Variants in CNTNAP5 observed in about 807,000 individuals in gnomAD.
CNTNAP5 encodes contactin associated protein family member 5.
Under a neutral mutation model 150.2 loss-of-function variants are expected in CNTNAP5, and 72 were observed. The observed-to-expected ratio is 0.48, with a 90% CI of 0.40 to 0.58. The LOEUF is 0.58. CNTNAP5 is among the 20% of genes least tolerant of loss of function. The pLI is 0.00. For missense variants in CNTNAP5, 1,636 were observed against 1,626.2 expected (o/e 1.01, Z -0.10); for synonymous variants, 672 against 619.8 (o/e 1.08, Z -1.25).
chr2:124,076,950 A>G (rs1682451700), intron 1 of CNTNAP5, among the ~76,000 whole-genome samples: 2 of 152,160 alleles, frequency 1.3e-5, no homozygotes, highest in East Asian at 3.9e-4. Context: ...TAGGGCAAGG[A>G]GCATTTCAGA....
rs973798039 is a variant in CNTNAP5, at chr2:124,903,995, A to G, written c.3655+895A>G. On this transcript the variant is annotated intron_variant, in intron 22 of 23. Coordinates refer to ENST00000682447, the MANE Select transcript of CNTNAP5 (RefSeq NM_001367498.1). ...CTTGAACCTGGAAGGCAGAGGTTGC[A>G]GTGAGCCAAGATCATGCAACTGCAC... Among the ~76,000 whole-genome samples, 4 of 141,318 alleles carry G rather than the reference A, an allele frequency of 2.8e-5. No individual in the cohort carries two copies. In the Admixed American group the frequency reaches 3.0e-4, roughly 10 times the overall value. The allele number at this position is 141,318 out of a possible 152,430, so 92.7% of individuals were successfully genotyped here. A position where few individuals can be genotyped will look rare whatever the true frequency, so the allele number is the denominator to read the frequency against.
At chr2:124,191,582 T>A (rs1685458305) in intron 1 of CNTNAP5, among the ~76,000 whole-genome samples, 1 of 152,114 alleles carries the variant, frequency 6.6e-6, no homozygotes, top group African/African-American at 2.4e-5. Context: ...ACAGAGGCAA[T>A]CATTCGATAT....
At chr2:124,843,599 C>T (rs532920818) in intron 19 of CNTNAP5, among the ~76,000 whole-genome samples, 1 of 152,040 alleles carries the variant, frequency 6.6e-6, no homozygotes, top group African/African-American at 2.4e-5. Flanking sequence ...TTTTTCATAG[C>T]GGTTGCACTG....
At chr2:124,751,028 G>A (rs985855327) in intron 14 of CNTNAP5, among the ~76,000 whole-genome samples, 1 of 149,468 alleles carries the variant, frequency 6.7e-6, no homozygotes, top group Non-Finnish European at 1.5e-5. Flanking sequence ...ACTGCCATGA[G>A]TTTTGCACCA....
chr2:124,062,759 C>A (rs924598100), intron 1 of CNTNAP5, among the ~76,000 whole-genome samples: 1 of 152,006 alleles, frequency 6.6e-6, no homozygotes, highest in Non-Finnish European at 1.5e-5. Flanking sequence ...CAGTCGAGGC[C>A]GTGAAGCAGG....
chr2:124,658,168 G>A (rs143099545), intron 13 of CNTNAP5, among the ~76,000 whole-genome samples: 3 of 152,270 alleles, frequency 2.0e-5, no homozygotes, highest in East Asian at 1.9e-4. Flanking sequence ...GACAACACAC[G>A]TGCACTTGGC....
intron 1 of CNTNAP5, among the ~76,000 whole-genome samples, chr2:124,179,334 A>T (rs1232372378): frequency 1.3e-5 from 2 of 151,652 alleles, no homozygotes; most frequent in African/African-American, 4.8e-5. Flanking sequence ...TAATTTTTGT[A>T]TTTTTTGTAG....
At chr2:124,875,212 T>G (rs1677829233) in intron 21 of CNTNAP5, among the ~76,000 whole-genome samples, 1 of 152,166 alleles carries the variant, frequency 6.6e-6, no homozygotes, top group African/African-American at 2.4e-5. Context: ...ATAAAATCAC[T>G]TTACAAGCAT....
intron 13 of CNTNAP5, among the ~76,000 whole-genome samples, chr2:124,693,067 G>A (rs1679331792): frequency 1.3e-5 from 2 of 152,048 alleles, no homozygotes; most frequent in South Asian, 4.1e-4. Context: ...TAGAAAGGTG[G>A]CAGCATGGCT....
At chr2:124,589,238 T>C (rs1485592467) in intron 11 of CNTNAP5, among the ~76,000 whole-genome samples, 1 of 152,078 alleles carries the variant, frequency 6.6e-6, no homozygotes, top group Non-Finnish European at 1.5e-5. Context: ...GTACTTTCTG[T>C]CTCTATAGGC....
chr2:124,134,554 C>T (rs1683931522), intron 1 of CNTNAP5, among the ~76,000 whole-genome samples: 1 of 152,180 alleles, frequency 6.6e-6, no homozygotes, highest in African/African-American at 2.4e-5. Context: ...TGCTCTATCT[C>T]ATAAAATCCA....
intron 11 of CNTNAP5, among the ~76,000 whole-genome samples, chr2:124,568,982 A>G (rs1034657471): frequency 6.6e-6 from 1 of 152,202 alleles, no homozygotes; most frequent in African/African-American, 2.4e-5. Context: ...TGGGAGGCGG[A>G]GCTTGCAGTG....
intron 21 of CNTNAP5, among the ~76,000 whole-genome samples, chr2:124,901,364 G>A (rs369942188): frequency 2.0e-5 from 3 of 148,236 alleles, no homozygotes; most frequent in African/African-American, 7.9e-5. Context: ...GTATTATCAG[G>A]ATGAATTCAG....
chr2:124,057,282 ATTTTT>A (rs560714964), intron 1 of CNTNAP5, among the ~76,000 whole-genome samples: 2 of 125,724 alleles, frequency 1.6e-5, no homozygotes, highest in Admixed American at 8.2e-5. Flanking sequence ...TAACAAGTCC[ATTTTT>A]TTTTTTTTTT....
rs184087143 is a variant in CNTNAP5 at position 124,034,863 on chromosome 2, C to T, written c.82+9131C>T. Among the ~76,000 whole-genome samples the T allele has an allele frequency of 4.6e-5, 7 of 152,230 alleles. No homozygotes were observed. The East Asian group carries it at 1.4e-3, about 29-fold the overall frequency. On this transcript the variant is annotated intron_variant, in intron 1 of 23. Transcript: ENST00000682447. ...AAGTTGAGAGAGCCACATTACCCTC[C>T]TGTGTACTACTGAAGTCTGTTTCTG...
intron 1 of CNTNAP5, among the ~76,000 whole-genome samples, chr2:124,213,539 T>C (rs1232350727): frequency 2.0e-5 from 3 of 152,118 alleles, no homozygotes; most frequent in African/African-American, 4.8e-5. Flanking sequence ...AAAAAAGAAA[T>C]CTGTCCAGCC....
chr2:124,538,473 C>T (rs1453245976), intron 10 of CNTNAP5, among the ~76,000 whole-genome samples: 4 of 148,594 alleles, frequency 2.7e-5, no homozygotes, highest in Admixed American at 6.8e-5. Context: ...GTGTGTGAGA[C>T]TCTGTCAGAA....
intron 1 of CNTNAP5, among the ~76,000 whole-genome samples, chr2:124,171,689 C>T (rs2699381): frequency 0.12 from 18,213 of 152,214 alleles, 1,324 homozygotes; most frequent in East Asian, 0.34. Flanking sequence ...GTGTCCTAGC[C>T]ATTCTGGGCA....
intron 19 of CNTNAP5, among the ~76,000 whole-genome samples, chr2:124,827,528 C>T (rs773602907): frequency 6.6e-6 from 1 of 152,164 alleles, no homozygotes; most frequent in African/African-American, 2.4e-5. Context: ...CTGTCATGTT[C>T]CTTGATGAGA....
Sources: allele counts gnomAD v4.1 joint callset (sites outside exome capture counted in the v4.1 genomes callset), GRCh38; gene constraint gnomAD v4.1.1; transcripts MANE v1.5; gene names NCBI Gene and HGNC (gene_info 2026-07-23, HGNC 2026-07-21).